The following APCDD1 variants were observed in gnomAD, a reference collection of about 807,000 sequenced individuals.
APCDD1 encodes APC down-regulated 1, also known as protein APCDD1.
Under a neutral mutation model 38.1 loss-of-function variants are expected in APCDD1, and 15 were observed. The observed-to-expected ratio is 0.39, with a 90% confidence interval of 0.26 to 0.61. The LOEUF is 0.61. Ranked by LOEUF, APCDD1 falls within the 20% of genes least tolerant of loss-of-function variation. APCDD1 has a pLI of 0.49. For missense variants in APCDD1, 647 were observed against 696.2 expected (o/e 0.93, Z 0.79); for synonymous variants, 261 against 279.7 (o/e 0.93, Z 0.67).
At chr18:10,465,292 C>T (rs962407287) in intron 1 of APCDD1, among the ~76,000 whole-genome samples, 1 of 152,124 alleles carries the variant, frequency 6.6e-6, no homozygotes, top group Non-Finnish European at 1.5e-5. Context: ...TCATACTGTC[C>T]CCACATCACC....
At chr18:10,484,932 T>A (rs1375590277) in intron 3 of APCDD1, among the ~76,000 whole-genome samples, 1 of 152,268 alleles carries the variant, frequency 6.6e-6, no homozygotes, top group Non-Finnish European at 1.5e-5. Context: ...TTTGGGTACA[T>A]ACCCAGAAGT....
chr18:10,478,358 C>T (rs2031056078), intron 3 of APCDD1, among the ~76,000 whole-genome samples: 1 of 152,196 alleles, frequency 6.6e-6, no homozygotes, highest in African/African-American at 2.4e-5. Context: ...CTGCCCTCAC[C>T]TGTGGAGAGT....
chr18:10,464,469 C>G (rs1439361511), intron 1 of APCDD1, among the ~76,000 whole-genome samples: 2 of 152,172 alleles, frequency 1.3e-5, no homozygotes, highest in African/African-American at 4.8e-5. Context: ...GTCACCCAGG[C>G]TGGAGTGCAG....
In APCDD1 at chr18:10,473,722, G is replaced by C. The variant is rs114486777; in HGVS notation, c.774+1661G>C. On this transcript the variant is annotated intron_variant, in intron 3 of 4. Transcript: ENST00000355285. Reference sequence around the variant, plus strand: ...GTTGAGTGGGTGTCTTGGGAAAATGGGTAAGAATAATGGGCTTCGAATTAT... The same window carrying C: ...GTTGAGTGGGTGTCTTGGGAAAATGCGTAAGAATAATGGGCTTCGAATTAT... Among the ~76,000 whole-genome samples, 621 of 152,244 alleles carry C rather than the reference G, an allele frequency of 4.1e-3. 2 individuals carry two copies. The highest frequency in any genetic ancestry group is 0.014 in the African/African-American group (587 of 41,524).
At chr18:10,464,302 T>C (rs2030646262) in intron 1 of APCDD1, among the ~76,000 whole-genome samples, 1 of 106,076 alleles carries the variant, frequency 9.4e-6, no homozygotes, top group Non-Finnish European at 2.0e-5. Context: ...CCTTAAAAGC[T>C]TCAAAGTAAA....
rs567620244 is a variant in APCDD1, at chr18:10,475,795, G to C, written c.774+3734G>C. The C allele has an allele frequency of 2.2e-4, 21 of 96,592 alleles. 1 individual carries two copies. Among genetic ancestry groups the C allele is most frequent in the Admixed American group, 4.0e-4 (4 of 9,894 alleles). The allele number at this position is 96,592 out of a possible 1,614,324, so 6.0% of individuals were successfully genotyped here. ...CTAGCTGCCTCGCAAGATGGCTGAGGGGGGGGGGGGTCAGTGGAAGGCCGA... is the reference window on the plus strand; with the variant it reads ...CTAGCTGCCTCGCAAGATGGCTGAGCGGGGGGGGGGTCAGTGGAAGGCCGA... On this transcript the variant is annotated intron_variant, in intron 3 of 4. Transcript: ENST00000355285. This position sits in a 1 kb window ranked among gnomAD's most constrained non-coding sequence, Gnocchi z 4.0.
rs1403060582 is a variant in APCDD1, at chr18:10,454,906, G to C, written c.-76G>C. ...CCGGCCGCACCCGGCCGGAGGCGGA[G>C]GGCAGAGCGCGCGCCCAGTTGCCCG... is the stretch of plus-strand genomic sequence containing the variant. On this transcript the variant is annotated 5_prime_UTR_variant, in exon 1 of 5. Coordinates refer to ENST00000355285, the MANE Select transcript of APCDD1 (RefSeq NM_153000.5). The C allele has an allele frequency of 7.0e-7, 1 of 1,425,148 alleles. No homozygotes were observed. Among genetic ancestry groups the C allele is most frequent in the Non-Finnish European group, 9.2e-7 (1 of 1,081,632 alleles). 88.3% of individuals were successfully genotyped at this position (1,425,148 alleles called of 1,614,324 possible).
In APCDD1 at chr18:10,454,686, G is replaced by C. The variant is rs1368887027; in HGVS notation, c.-296G>C. On this transcript the variant is annotated 5_prime_UTR_variant, in exon 1 of 5. Transcript: ENST00000355285. ...GTGGCGGCCACTGCAGCTCAGAGCG[G>C]CGCACGCGGCGGCCGGGGCGGGACG... 2.0e-6 allele frequency: 2 copies of C among 986,122 alleles called. No individual in the cohort carries two copies. The highest frequency in any genetic ancestry group is 1.2e-4 in the Admixed American group (2 of 16,088). 61.1% of individuals were successfully genotyped at this position (986,122 alleles called of 1,614,324 possible).
chr18:10,487,018 T>A (rs1432168280), intron 4 of APCDD1, among the ~76,000 whole-genome samples: 1 of 152,174 alleles, frequency 6.6e-6, no homozygotes, highest in Non-Finnish European at 1.5e-5. Context: ...CAGAAGCAAT[T>A]CTCCACAAAA....
intron 1 of APCDD1, among the ~76,000 whole-genome samples, chr18:10,459,185 T>C (rs907402326): frequency 3.3e-5 from 5 of 152,250 alleles, no homozygotes; most frequent in Admixed American, 3.3e-4. Context: ...GCATTCTCCC[T>C]TCCTTGAGGA....
At chr18:10,459,178 T>C (rs1214434482) in intron 1 of APCDD1, among the ~76,000 whole-genome samples, 1 of 152,254 alleles carries the variant, frequency 6.6e-6, no homozygotes, top group Non-Finnish European at 1.5e-5. Context: ...AAAGGTAGCA[T>C]TCTCCCTTCC....
At chr18:10,483,279 A>G (rs2031180115) in intron 3 of APCDD1, among the ~76,000 whole-genome samples, 2 of 152,354 alleles carry the variant, frequency 1.3e-5, no homozygotes, top group South Asian at 4.1e-4. Context: ...AGGGCAGCTC[A>G]CTGCTGAGCA....
intron 3 of APCDD1, among the ~76,000 whole-genome samples, chr18:10,484,995 GT>G (rs1316753545): frequency 6.6e-6 from 1 of 152,060 alleles, no homozygotes; most frequent in African/African-American, 2.4e-5. Context: ...GTTTTGTTTT[GT>G]TTTGTTTTTT....
chr18:10,479,419 G>A (rs1478419325), intron 3 of APCDD1, among the ~76,000 whole-genome samples: 1 of 152,164 alleles, frequency 6.6e-6, no homozygotes, highest in East Asian at 1.9e-4. Flanking sequence ...TCCATTCTGG[G>A]AAGATGGCGA....
chr18:10,459,845 C>T (rs1452801051), intron 1 of APCDD1, among the ~76,000 whole-genome samples: 1 of 116,722 alleles, frequency 8.6e-6, no homozygotes, highest in Non-Finnish European at 1.8e-5. Flanking sequence ...TTTTATGTAT[C>T]ACAACAATTC....
At position 10,488,612 on chromosome 18, in the gene APCDD1, A is replaced by C. The variant is rs1174894253; in HGVS notation, c.*574A>C. 1 of 152,270 alleles carries C rather than the reference A, an allele frequency of 6.6e-6. No individual in the cohort carries two copies. Among genetic ancestry groups the C allele is most frequent in the Non-Finnish European group, 1.5e-5 (1 of 68,114 alleles). 9.4% of individuals were successfully genotyped at this position (152,270 alleles called of 1,614,324 possible). A position where few individuals can be genotyped will look rare whatever the true frequency, so the allele number is the denominator to read the frequency against. Reference sequence around the variant, plus strand: ...TGGCCAAACCACCTTCCCAGCCTTTATGCAAAAAAAGGGGAGAATCAAAGC... The same window carrying C: ...TGGCCAAACCACCTTCCCAGCCTTTCTGCAAAAAAAGGGGAGAATCAAAGC... On this transcript the variant is annotated 3_prime_UTR_variant, in exon 5 of 5. Transcript: ENST00000355285.
At chr18:10,474,860 A>T (rs1442467339) in intron 3 of APCDD1, among the ~76,000 whole-genome samples, 1 of 152,190 alleles carries the variant, frequency 6.6e-6, no homozygotes, top group African/African-American at 2.4e-5. Flanking sequence ...AAATATTGGC[A>T]TGGCAATTAA....
chr18:10,472,634 G>A lies in APCDD1; in HGVS notation c.774+573G>A, dbSNP rs548300545. Among the ~76,000 whole-genome samples, 6 of 152,240 alleles carry A rather than the reference G, an allele frequency of 3.9e-5. No individual in the cohort carries two copies. Among genetic ancestry groups the A allele is most frequent in the South Asian group, 2.1e-4 (1 of 4,822 alleles). On this transcript the variant is annotated intron_variant, in intron 3 of 4. Coordinates refer to ENST00000355285, the MANE Select transcript of APCDD1 (RefSeq NM_153000.5). This position sits in a 1 kb window ranked among gnomAD's most constrained non-coding sequence, Gnocchi z 6.6. ...GGGTTATGGCTCCTGCCCAGGCCACGCGGCTACTGAGTTTTCCTGCTGGAC... is the reference window on the plus strand; with the variant it reads ...GGGTTATGGCTCCTGCCCAGGCCACACGGCTACTGAGTTTTCCTGCTGGAC...
At chr18:10,484,610 A>T (rs899130329) in intron 3 of APCDD1, among the ~76,000 whole-genome samples, 1 of 151,992 alleles carries the variant, frequency 6.6e-6, no homozygotes, top group Non-Finnish European at 1.5e-5. Context: ...TGCAACCACC[A>T]TTCCACTTTC....
Sources: gnomAD v4.1 joint callset for allele counts (sites outside exome capture counted in the v4.1 genomes callset) on GRCh38, gnomAD v4.1.1 for gene constraint, Gnocchi (gnomAD v3.1) non-coding constraint, MANE v1.5 for transcripts, NCBI Gene and HGNC (gene_info 2026-07-23, HGNC 2026-07-21) for gene names.